The following TTC4 variants were observed in gnomAD, a reference collection of about 807,000 sequenced individuals.
The protein encoded by TTC4 is tetratricopeptide repeat domain 4, also known as hsp70/Hsp90 co-chaperone CNS1 homolog.
TTC4 carries 36 observed loss-of-function variants against 51.9 expected under a neutral mutation model. The ratio of observed to expected loss-of-function variants is 0.69; its 90% CI spans 0.53 to 0.92. The LOEUF is 0.92. Among genes scored for constraint, TTC4 ranks in the 40% least tolerant of loss-of-function variants. The pLI is 0.00. For synonymous variants in TTC4, 144 were observed against 164.2 expected (o/e 0.88, Z 0.94); for missense variants, 399 against 454.6 (o/e 0.88, Z 1.11).
chr1:54,727,540 A>C (rs1266824419), intron 5 of TTC4, among the ~76,000 whole-genome samples: 4 of 119,090 alleles, frequency 3.4e-5, no homozygotes, highest in Non-Finnish European at 4.9e-5. Flanking sequence ...AAAAAATGAA[A>C]AGATAAATGT....
chr1:54,717,252 T>C (rs1557740470), intron 2 of TTC4, among the ~76,000 whole-genome samples: 1 of 152,226 alleles, frequency 6.6e-6, no homozygotes, highest in Non-Finnish European at 1.5e-5. Flanking sequence ...TTTTCCTTTA[T>C]ACTTCTTTTT....
chr1:54,736,173 A>G lies in TTC4; in HGVS notation c.979-1409A>G, dbSNP rs1195733771. Among the ~76,000 whole-genome samples the G allele has an allele frequency of 1.0e-4, 11 of 106,884 alleles. 1 individual carries two copies. Among genetic ancestry groups the G allele is most frequent in the African/African-American group, 3.9e-4 (8 of 20,508 alleles). 70.1% of individuals were successfully genotyped at this position (106,884 alleles called of 152,430 possible). A position where few individuals can be genotyped will look rare whatever the true frequency, so the allele number is the denominator to read the frequency against. On this transcript the variant is annotated intron_variant, in intron 8 of 9. Coordinates refer to ENST00000371281, the MANE Select transcript of TTC4 (RefSeq NM_004623.5). ...GGGGAGAAAGAGAGAGAAAGAAAGA[A>G]AGGAGAGAGAGAGAGAGAGAGAGAG...
chr1:54,719,836 A>AC (rs1428521100), intron 3 of TTC4, among the ~76,000 whole-genome samples: 1 of 152,166 alleles, frequency 6.6e-6, no homozygotes, highest in African/African-American at 2.4e-5. Context: ...GATTTGGCAA[A>AC]CTAGGACTCA....
chr1:54,722,576 G>A (rs17110982), intron 4 of TTC4, 99 bp from the exon 5 acceptor site: 28,745 of 1,539,134 alleles, frequency 0.019, 1,385 homozygotes, highest in East Asian at 0.14. Flanking sequence ...TTGCCTTCAG[G>A]GTACTGGCTG....
intron 2 of TTC4, among the ~76,000 whole-genome samples, chr1:54,717,284 T>C (rs972773451): frequency 1.3e-5 from 2 of 152,230 alleles, no homozygotes; most frequent in Non-Finnish European, 2.9e-5. Flanking sequence ...CTTAGTAATC[T>C]ACCTTGTAAG....
chr1:54,739,880 A>G (rs368075077), intron 9 of TTC4, among the ~76,000 whole-genome samples: 1 of 152,210 alleles, frequency 6.6e-6, no homozygotes, highest in African/African-American at 2.4e-5. Flanking sequence ...AAAATTAAAA[A>G]GATTTTAAAA....
chr1:54,734,081 T>A (rs11485526), intron 8 of TTC4, among the ~76,000 whole-genome samples: 18,026 of 152,090 alleles, frequency 0.12, 1,765 homozygotes, highest in African/African-American at 0.26. Context: ...CTTTTTTTTT[T>A]AAATTTTTGA....
Position 54,741,504 on chromosome 1 carries a change from G to C in TTC4, c.1155G>C (p.Gln385His), listed in dbSNP as rs1646010475. 2 of 1,614,070 alleles carry C rather than the reference G, an allele frequency of 1.2e-6. No homozygotes were observed. The highest frequency in any genetic ancestry group is 2.7e-5 in the African/African-American group (2 of 75,030). ...KNFLRGRKVY[Q>H]IR ...TTCTCCGGGGGAGAAAGGTGTACCAGATACGATGACTAAGCCAGGGCCCCT... is the reference window on the plus strand; with the variant it reads ...TTCTCCGGGGGAGAAAGGTGTACCACATACGATGACTAAGCCAGGGCCCCT... The change falls in exon 10 of 10, where the codon CAG becomes CAC. Residue 385 changes from glutamine to histidine, a missense_variant. Coordinates refer to ENST00000371281, the MANE Select transcript of TTC4 (RefSeq NM_004623.5).
intron 4 of TTC4, 118 bp from the exon 5 acceptor site, chr1:54,722,557 T>C: frequency 7.0e-7 from 1 of 1,426,274 alleles, no homozygotes; most frequent in Non-Finnish European, 9.5e-7. Context: ...AGGGGCATTA[T>C]CCTCCATTTT....
Position 54,741,996 on chromosome 1 carries a change from A to C in TTC4, c.*483A>C. The stretch of plus-strand genomic sequence containing the variant: ...TATTTCATGCGCACAGAGGGAAGCC[A>C]TGTGGGGTTGCTGAAGATGCCTTGA... On this transcript the variant is annotated 3_prime_UTR_variant, in exon 10 of 10. Transcript: ENST00000371281. 6.4e-6 allele frequency: 1 copy of C among 156,224 alleles called. No homozygotes were observed. The highest frequency in any genetic ancestry group is 1.4e-5 in the Non-Finnish European group (1 of 70,806). 9.7% of individuals were successfully genotyped at this position (156,224 alleles called of 1,614,324 possible).
At chr1:54,737,728 A>G (rs1645964108) in intron 9 of TTC4, 64 bp downstream of exon 9, 1 of 1,495,900 alleles carries the variant, frequency 6.7e-7, no homozygotes, top group Non-Finnish European at 9.2e-7. Flanking sequence ...CCATTTTCAC[A>G]CTGCTGATAA....
At chr1:54,716,564 A>T (rs376185638) in intron 1 of TTC4, 36 bp from the exon 2 acceptor site, 283 of 1,529,462 alleles carry the variant, frequency 1.9e-4, no homozygotes, top group Non-Finnish European at 1.7e-4. Flanking sequence ...TCAGTAGAAA[A>T]GCTTATTCAT....
In TTC4 at chr1:54,716,721, T is replaced by A; in HGVS notation, c.229+4T>A. On this transcript the variant is annotated splice_donor_region_variant and intron_variant, in intron 2 of 9. Transcript: ENST00000371281. ...GATGAGGAGCGTTCTCCAGAAGGTA[T>A]CTTAACATGACTAATATTTGTTTTG... is the stretch of plus-strand genomic sequence containing the variant. The A allele has an allele frequency of 6.2e-7, 1 of 1,601,716 alleles. No homozygotes were observed. The highest frequency in any genetic ancestry group is 1.7e-5 in the Admixed American group (1 of 58,756).
chr1:54,741,652 G>T lies in TTC4; in HGVS notation c.*139G>T, dbSNP rs1570075047. The T allele has an allele frequency of 2.8e-6, 2 of 711,270 alleles. No homozygotes were observed. The highest frequency in any genetic ancestry group is 3.5e-5 in the South Asian group (2 of 56,996). The allele number at this position is 711,270 out of a possible 1,614,324, so 44.1% of individuals were successfully genotyped here. A position where few individuals can be genotyped will look rare whatever the true frequency, so the allele number is the denominator to read the frequency against. ...GATAGTCCTTCCTGGCATCGTGGTG[G>T]GGGAGGAGCCTCTGGCTTCCCTAAA... On this transcript the variant is annotated 3_prime_UTR_variant, in exon 10 of 10. Coordinates refer to ENST00000371281, the MANE Select transcript of TTC4 (RefSeq NM_004623.5).
chr1:54,733,435 AT>A (rs1645894481), intron 7 of TTC4, among the ~76,000 whole-genome samples, 193 bp from the exon 8 acceptor site: 2 of 151,760 alleles, frequency 1.3e-5, no homozygotes, highest in Admixed American at 6.6e-5. Flanking sequence ...AAAAAATAAA[AT>A]AAAATAAAAT....
intron 7 of TTC4, 138 bp downstream of exon 7, chr1:54,731,838 CCT>C: frequency 1.3e-6 from 1 of 777,486 alleles, no homozygotes; most frequent in African/African-American, 1.9e-5. Flanking sequence ...TTGATAATAA[CCT>C]CTCTATCCTG....
intron 5 of TTC4, among the ~76,000 whole-genome samples, chr1:54,727,591 C>T (rs1234521095): frequency 6.6e-6 from 1 of 151,292 alleles, no homozygotes; most frequent in Non-Finnish European, 1.5e-5. Flanking sequence ...GTGGCTCACA[C>T]CTGTAATCCT....
intron 9 of TTC4, among the ~76,000 whole-genome samples, chr1:54,738,828 A>G (rs1321164021): frequency 1.3e-5 from 2 of 151,408 alleles, no homozygotes; most frequent in African/African-American, 2.4e-5. Flanking sequence ...ATGCCTGGCT[A>G]ATTTTTGTAT....
intron 1 of TTC4, 85 bp downstream of exon 1, chr1:54,716,104 T>G: frequency 9.4e-7 from 1 of 1,067,808 alleles, no homozygotes; most frequent in South Asian, 1.4e-5. Flanking sequence ...CCTCCTTCAA[T>G]CCCAGATCCC....
Sources: allele counts gnomAD v4.1 joint callset (sites outside exome capture counted in the v4.1 genomes callset), GRCh38; gene constraint gnomAD v4.1.1; transcripts MANE v1.5; gene names NCBI Gene and HGNC (gene_info 2026-07-23, HGNC 2026-07-21).